FOXP2: variants seen among roughly 807,000 people sequenced by gnomAD.
FOXP2 encodes the protein forkhead box P2, also known as forkhead box protein P2.
A neutral mutation model predicts 115.8 loss-of-function variants in FOXP2; 12 were observed. The observed-to-expected ratio is 0.10, with a 90% CI of 0.07 to 0.17. The LOEUF (loss-of-function observed/expected upper bound fraction) is 0.17, where lower values mean the gene tolerates loss of function less well. Among genes scored for constraint, FOXP2 ranks in the 10% least tolerant of loss-of-function variants. The pLI, the probability that FOXP2 is intolerant of heterozygous loss-of-function variation, is 1.00. For synonymous variants in FOXP2, 328 were observed against 297.7 expected (o/e 1.10, Z -1.05); for missense variants, 629 against 843.5 (o/e 0.75, Z 3.15).
chr7:114,395,036 T>C (rs1292402884), intron 2 of FOXP2, among the ~76,000 whole-genome samples: 2 of 152,110 alleles, frequency 1.3e-5, no homozygotes, highest in African/African-American at 4.8e-5. Context: ...CACTGAAATA[T>C]TGGGAGGCAA....
chr7:114,291,424 G>T (rs185191285), intron 2 of FOXP2, among the ~76,000 whole-genome samples: 1 of 152,084 alleles, frequency 6.6e-6, no homozygotes, highest in Non-Finnish European at 1.5e-5. Flanking sequence ...TCAGTGTATT[G>T]CATTATGTAC....
upstream of FOXP2, among the ~76,000 whole-genome samples, chr7:114,161,078 C>CA (rs981796169): frequency 6.6e-6 from 1 of 152,194 alleles, no homozygotes; most frequent in African/African-American, 2.4e-5. Flanking sequence ...TTCACTGACC[C>CA]AAAATACTGC....
In FOXP2 at chr7:114,685,608, T is replaced by A. The variant is rs577124499; in HGVS notation, c.2004-4174T>A. 9.3e-4 allele frequency among the ~76,000 whole-genome samples: 142 copies of A among 152,234 alleles called. 1 individual carries two copies. The highest frequency in any genetic ancestry group is 3.3e-3 in the African/African-American group (138 of 41,546). ...TAGTCTCTAACCTATCCCTAGGGAGTAATCTATACTGAGAATTGAGAGATT... is the reference window on the plus strand; with the variant it reads ...TAGTCTCTAACCTATCCCTAGGGAGAAATCTATACTGAGAATTGAGAGATT... On this transcript the variant is annotated intron_variant, in intron 16 of 16. Coordinates refer to ENST00000350908, the MANE Select transcript of FOXP2 (RefSeq NM_014491.4).
chr7:114,486,283 G>A (rs1270156764), intron 2 of FOXP2, among the ~76,000 whole-genome samples: 1 of 152,056 alleles, frequency 6.6e-6, no homozygotes, highest in African/African-American at 2.4e-5. Context: ...CACATGTGCA[G>A]GGGAACTCCT....
intron 1 of FOXP2, among the ~76,000 whole-genome samples, chr7:114,257,287 A>G (rs1795639489): frequency 6.6e-6 from 1 of 152,152 alleles, no homozygotes; most frequent in South Asian, 2.1e-4. Context: ...CTTATACAAA[A>G]ATTAACTCAA....
intron 10 of FOXP2, among the ~76,000 whole-genome samples, chr7:114,655,080 T>C (rs1806500753): frequency 6.6e-6 from 1 of 152,192 alleles, no homozygotes; most frequent in South Asian, 2.1e-4. Flanking sequence ...TTTTTGAATC[T>C]GACATACTAC....
chr7:114,418,603 AT>A (rs1369737073), intron 1 of FOXP2, among the ~76,000 whole-genome samples: 2 of 151,918 alleles, frequency 1.3e-5, no homozygotes, highest in Non-Finnish European at 2.9e-5. Context: ...ATGAAGGCTA[AT>A]TAAAGCAGAA....
rs565030471 is a variant in FOXP2 at position 114,551,616 on chromosome 7, C to T, written c.258+16910C>T. ...GGGATATTTAAGTATGAAAACAAGT[C>T]TGAGGTAAGTAATATGATTAGAGGT... On this transcript the variant is annotated intron_variant, in intron 3 of 16. Transcript: ENST00000350908. Among the ~76,000 whole-genome samples, 11 of 151,796 alleles carry T rather than the reference C, an allele frequency of 7.2e-5. No individual in the cohort carries two copies. The South Asian group carries it at 2.3e-3, about 32-fold the overall frequency.
At chr7:114,266,215 ACT>A (rs1299740062) in intron 1 of FOXP2, among the ~76,000 whole-genome samples, 3 of 151,342 alleles carry the variant, frequency 2.0e-5, no homozygotes. Flanking sequence ...AGCCCTCCAA[ACT>A]CTTCCAACCT....
At chr7:114,510,158 A>G (rs1798003477) in intron 2 of FOXP2, among the ~76,000 whole-genome samples, 1 of 152,166 alleles carries the variant, frequency 6.6e-6, no homozygotes, top group Non-Finnish European at 1.5e-5. Flanking sequence ...CCTATTTTGA[A>G]CTTTCACATT....
intron 2 of FOXP2, among the ~76,000 whole-genome samples, chr7:114,376,715 G>A (rs1050402977): frequency 2.6e-5 from 4 of 152,138 alleles, no homozygotes; most frequent in Non-Finnish European, 5.9e-5. Context: ...GATTCCATTC[G>A]GAACTAACAC....
intron 1 of FOXP2, among the ~76,000 whole-genome samples, chr7:114,182,423 T>C (rs776925): frequency 0.85 from 129,645 of 151,978 alleles, 55,853 homozygotes; most frequent in Non-Finnish European, 0.92. Context: ...CTTAGAAGAA[T>C]GTAATATTCT....
At chr7:114,473,068 C>A (rs541154914) in intron 2 of FOXP2, among the ~76,000 whole-genome samples, 1 of 152,130 alleles carries the variant, frequency 6.6e-6, no homozygotes. Flanking sequence ...GATATCTAAG[C>A]TTGGAATGAG....
In FOXP2 at chr7:114,661,974, T is replaced by A. The variant is rs1376844376; in HGVS notation, c.1648-91T>A. Reference sequence around the variant, plus strand: ...TTAAACATGTTAAGATTTTTCACTCTGATTAAGTAAGATCAATAATGTAGT... The same window carrying A: ...TTAAACATGTTAAGATTTTTCACTCAGATTAAGTAAGATCAATAATGTAGT... On this transcript the variant is annotated intron_variant, in intron 13 of 16. Coordinates refer to ENST00000350908, the MANE Select transcript of FOXP2 (RefSeq NM_014491.4). The A allele has an allele frequency of 3.3e-6, 5 of 1,507,072 alleles. No homozygotes were observed. In the South Asian group the frequency reaches 3.5e-5, roughly 11 times the overall value. 93.4% of individuals were successfully genotyped at this position (1,507,072 alleles called of 1,614,324 possible).
intron 2 of FOXP2, among the ~76,000 whole-genome samples, chr7:114,522,053 T>C (rs538561802): frequency 2.0e-5 from 3 of 152,324 alleles, no homozygotes; most frequent in East Asian, 3.9e-4. Flanking sequence ...CTTGGGGTTA[T>C]AAAAGATGAT....
At chr7:114,120,332 GTATGGCGT>G (rs1791524803) in intron 1 of FOXP2, among the ~76,000 whole-genome samples, 1 of 152,132 alleles carries the variant, frequency 6.6e-6, no homozygotes, top group Non-Finnish European at 1.5e-5. Context: ...TAAGAGTTTT[GTATGGCGT>G]TATGGCAAAT....
At chr7:114,228,142 C>T (rs1794788318) in intron 1 of FOXP2, among the ~76,000 whole-genome samples, 1 of 151,972 alleles carries the variant, frequency 6.6e-6, no homozygotes, top group South Asian at 2.1e-4. Flanking sequence ...ACTATGTGGT[C>T]ATCTGATCAA....
chr7:114,585,590 G>T (rs1398409807), intron 3 of FOXP2, among the ~76,000 whole-genome samples: 2 of 150,130 alleles, frequency 1.3e-5, no homozygotes, highest in Non-Finnish European at 3.0e-5. Flanking sequence ...AAAAAGCCAG[G>T]CATGGTGGCT....
At chr7:114,146,662 A>T (rs1792377428) in intron 1 of FOXP2, among the ~76,000 whole-genome samples, 2 of 152,190 alleles carry the variant, frequency 1.3e-5, no homozygotes, top group Non-Finnish European at 2.9e-5. Context: ...AACGTAAAAA[A>T]CTTCAGGAAT....
Sources: allele counts gnomAD v4.1 joint callset (sites outside exome capture counted in the v4.1 genomes callset), GRCh38; gene constraint gnomAD v4.1.1; transcripts MANE v1.5; gene names NCBI Gene and HGNC (gene_info 2026-07-23, HGNC 2026-07-21).